The following USP49 variants were observed in gnomAD, a reference collection of about 807,000 sequenced individuals.
The protein encoded by USP49 is ubiquitin carboxyl-terminal hydrolase 49.
Under a neutral mutation model 58.6 loss-of-function variants are expected in USP49, and 24 were observed. That is an observed-to-expected ratio of 0.41 (90% confidence interval 0.30 to 0.58). The LOEUF (loss-of-function observed/expected upper bound fraction) is 0.58. Ranked by LOEUF, USP49 falls within the 20% of genes least tolerant of loss-of-function variation. USP49 has a pLI of 0.30. For missense variants in USP49, 703 were observed against 866.1 expected (o/e 0.81, Z 2.36); for synonymous variants, 408 against 365.1 (o/e 1.12, Z -1.34).
At chr6:41,893,199 C>T (rs1041619934) in intron 1 of USP49, among the ~76,000 whole-genome samples, 3 of 152,096 alleles carry the variant, frequency 2.0e-5, no homozygotes, top group Admixed American at 6.5e-5. Context: ...CTCTAAAATC[C>T]TCCACTACTC....
At position 41,849,107 on chromosome 6, in the gene USP49, A is replaced by T. The variant is rs1236866634; in HGVS notation, c.-29+22457T>A. On this transcript the variant is annotated intron_variant, in intron 3 of 7. Transcript: ENST00000682992. The stretch of plus-strand genomic sequence containing the variant: ...TTAGCTCTAAGGACACATAGATTGA[A>T]AAGTCTGGAAAAAGATATTCCATGC... Among the ~76,000 whole-genome samples the T allele has an allele frequency of 2.0e-5, 3 of 152,218 alleles. No homozygotes were observed. In the East Asian group the frequency reaches 5.8e-4, roughly 29 times the overall value.
intron 3 of USP49, among the ~76,000 whole-genome samples, chr6:41,824,345 A>G (rs370913299): frequency 1.3e-5 from 2 of 152,138 alleles, no homozygotes; most frequent in African/African-American, 4.8e-5. Context: ...CATTTTCTTA[A>G]ATCTTGAAAA....
At position 41,822,678 on chromosome 6, in the gene USP49, TC is replaced by T. The variant is rs1184383803; in HGVS notation, c.-28-15668del. ...CTGTCCAACATGGTAAAACCCCATC[TC>T]TACTAAAAATACAAATTTAGCTGGG... On this transcript the variant is annotated intron_variant, in intron 3 of 7. Transcript: ENST00000682992. 2.0e-5 allele frequency among the ~76,000 whole-genome samples: 3 copies of T among 152,120 alleles called. No homozygotes were observed. The East Asian group carries it at 5.8e-4, about 29-fold the overall frequency.
At position 41,796,568 on chromosome 6, in the gene USP49, T is replaced by C. The variant is rs1581986423; in HGVS notation, c.2032A>G (p.Asn678Asp). ...GTCTGTGGTCTGCCTTCATCATTGT[T>C]GCTGGACTGCACCTGAGCTTGGAGA... ...THLQAQVQSSNNDEGRPQTFS is the reference protein window; with the variant it reads ...THLQAQVQSSDNDEGRPQTFS Residue 678 changes from asparagine to aspartate, a missense_variant, in exon 8 of 8, where the codon AAC becomes GAC. Transcript: ENST00000682992. 1.4e-6 allele frequency: 1 copy of C among 717,502 alleles called. No individual in the cohort carries two copies. Among genetic ancestry groups the C allele is most frequent in the South Asian group, 1.5e-5 (1 of 67,600 alleles). 44.4% of individuals were successfully genotyped at this position (717,502 alleles called of 1,614,324 possible).
At chr6:41,814,456 G>C (rs1446044520) in intron 3 of USP49, among the ~76,000 whole-genome samples, 2 of 152,064 alleles carry the variant, frequency 1.3e-5, no homozygotes, top group African/African-American at 4.8e-5. Flanking sequence ...CTCCATATGA[G>C]AGATGACAAC....
intron 3 of USP49, among the ~76,000 whole-genome samples, chr6:41,851,309 G>A (rs1774023350): frequency 6.6e-6 from 1 of 152,114 alleles, no homozygotes; most frequent in Non-Finnish European, 1.5e-5. Context: ...ACTCATTTCT[G>A]GAATGCATGT....
At position 41,799,769 on chromosome 6, in the gene USP49, A is replaced by T. The variant is rs764121781; in HGVS notation, c.1670+61T>A. ...CATAGAAGACATTTGCCCTCACCAAAGCCTTTGGAGCAGCTATTCCCACAG... is the reference window on the plus strand; with the variant it reads ...CATAGAAGACATTTGCCCTCACCAATGCCTTTGGAGCAGCTATTCCCACAG... On this transcript the variant is annotated intron_variant, in intron 6 of 7. Coordinates refer to ENST00000682992, the MANE Select transcript of USP49 (RefSeq NM_001286554.2). The T allele has an allele frequency of 7.5e-6, 11 of 1,470,550 alleles. No homozygotes were observed. The Middle Eastern group carries it at 5.2e-4, about 70-fold the overall frequency. 91.1% of individuals were successfully genotyped at this position (1,470,550 alleles called of 1,614,324 possible).
chr6:41,858,049 C>T (rs1774160915), intron 3 of USP49, among the ~76,000 whole-genome samples: 1 of 152,054 alleles, frequency 6.6e-6, no homozygotes, highest in Admixed American at 6.6e-5. Context: ...TAGCATGTGG[C>T]ATTGTGTATC....
At chr6:41,882,817 G>C (rs1774635952) in intron 2 of USP49, among the ~76,000 whole-genome samples, 1 of 152,152 alleles carries the variant, frequency 6.6e-6, no homozygotes, top group African/African-American at 2.4e-5. Context: ...TCGGGAAGCT[G>C]ATGCAGGAGA....
intron 2 of USP49, among the ~76,000 whole-genome samples, chr6:41,884,468 C>T (rs1389522517): frequency 1.3e-5 from 2 of 152,084 alleles, no homozygotes; most frequent in Non-Finnish European, 2.9e-5. Context: ...AATACATACA[C>T]CAAAAGAATC....
At chr6:41,850,184 C>T (rs536184162) in intron 3 of USP49, among the ~76,000 whole-genome samples, 3 of 151,860 alleles carry the variant, frequency 2.0e-5, no homozygotes, top group Admixed American at 6.6e-5. Flanking sequence ...GGCTCATGCC[C>T]GTAATCTCAG....
At chr6:41,860,017 C>G (rs998707116) in intron 3 of USP49, among the ~76,000 whole-genome samples, 1 of 152,150 alleles carries the variant, frequency 6.6e-6, no homozygotes, top group African/African-American at 2.4e-5. Context: ...ATTAGCAGAC[C>G]TAGGCAATGA....
chr6:41,828,258 C>T (rs1443828170), intron 3 of USP49, among the ~76,000 whole-genome samples: 2 of 151,878 alleles, frequency 1.3e-5, no homozygotes, highest in African/African-American at 4.8e-5. Flanking sequence ...ACCTGGCCAA[C>T]ATGGGGAAAC....
At chr6:41,880,493 T>G (rs1774584773) in intron 2 of USP49, among the ~76,000 whole-genome samples, 1 of 152,106 alleles carries the variant, frequency 6.6e-6, no homozygotes, top group Admixed American at 6.5e-5. Flanking sequence ...CTAATTATAT[T>G]AAAATTTCAG....
chr6:41,888,163 T>G (rs908195052), intron 2 of USP49, among the ~76,000 whole-genome samples: 1 of 150,730 alleles, frequency 6.6e-6, no homozygotes, highest in African/African-American at 2.4e-5. Context: ...CAAGCAAATC[T>G]TGTTCCTCAA....
intron 3 of USP49, among the ~76,000 whole-genome samples, chr6:41,839,935 C>T (rs1288985100): frequency 6.6e-6 from 1 of 151,846 alleles, no homozygotes; most frequent in Non-Finnish European, 1.5e-5. Flanking sequence ...GAAATTGCCA[C>T]TAAAGAACTT....
chr6:41,829,548 G>A (rs1773600936), intron 3 of USP49, among the ~76,000 whole-genome samples: 2 of 152,128 alleles, frequency 1.3e-5, no homozygotes, highest in South Asian at 4.1e-4. Context: ...CCTGACCTCA[G>A]GTGATCTGCC....
chr6:41,889,102 G>A (rs569216891), intron 2 of USP49, among the ~76,000 whole-genome samples: 3 of 150,942 alleles, frequency 2.0e-5, no homozygotes, highest in Non-Finnish European at 3.0e-5. Context: ...GCTTGATCTC[G>A]GCTCACTGCA....
chr6:41,794,308 T>C lies in USP49; in HGVS notation c.*2225A>G, dbSNP rs1772849674. ...TTCACAAAGTCCTTAATCTGCTTAA[T>C]AAATCCTTATAATATTTGGTATAAA... On this transcript the variant is annotated 3_prime_UTR_variant, in exon 8 of 8. Transcript: ENST00000682992. 1 of 152,252 alleles carries C rather than the reference T, an allele frequency of 6.6e-6. No homozygotes were observed. 9.4% of individuals were successfully genotyped at this position (152,252 alleles called of 1,614,324 possible).
Sources: allele counts gnomAD v4.1 joint callset (sites outside exome capture counted in the v4.1 genomes callset), GRCh38; gene constraint gnomAD v4.1.1; transcripts MANE v1.5; gene names NCBI Gene and HGNC (gene_info 2026-07-23, HGNC 2026-07-21).